PKHD1: variants seen among roughly 807,000 people sequenced by gnomAD.
PKHD1 encodes the protein PKHD1 ciliary IPT domain containing fibrocystin/polyductin, also known as fibrocystin.
PKHD1 carries 291 observed loss-of-function variants against 412.0 expected under a neutral mutation model. That is an observed-to-expected ratio of 0.71 (90% CI 0.64 to 0.78). The LOEUF (loss-of-function observed/expected upper bound fraction) is 0.78. Ranked by LOEUF, PKHD1 falls within the 30% of genes least tolerant of loss-of-function variation. The pLI, the probability that PKHD1 is intolerant of heterozygous loss-of-function variation, is 0.00. For synonymous variants in PKHD1, 1,777 were observed against 1,821.5 expected (o/e 0.98, Z 0.62); for missense variants, 4,825 against 4,950.7 (o/e 0.97, Z 0.76).
In PKHD1 at chr6:52,048,534, C is replaced by T; in HGVS notation, c.2365G>A (p.Gly789Arg). The T allele has an allele frequency of 6.2e-7, 1 of 1,614,118 alleles. No homozygotes were observed. The highest frequency in any genetic ancestry group is 8.5e-7 in the Non-Finnish European group (1 of 1,179,964). ...GGAAGCTGGATGCGAAAGTGTCCTCCTAGAGGTGGACTTGTCCGCTGTCGT... is the reference window on the plus strand; with the variant it reads ...GGAAGCTGGATGCGAAAGTGTCCTCTTAGAGGTGGACTTGTCCGCTGTCGT... ...QRRQRTSPPL[G>R]GHFRIQLPNT... The change falls in exon 23 of 67, where the codon GGA becomes AGA. Residue 789 changes from glycine (G) to arginine (R), a missense_variant. Coordinates refer to ENST00000371117, the MANE Select transcript of PKHD1 (RefSeq NM_138694.4).
At chr6:52,066,306 G>T (rs1048657745) in intron 11 of PKHD1, among the ~76,000 whole-genome samples, 1 of 152,060 alleles carries the variant, frequency 6.6e-6, no homozygotes, top group Non-Finnish European at 1.5e-5. Flanking sequence ...GGGAAATGTG[G>T]AATCATTCAT....
At chr6:51,767,014 C>T (rs1789166686) in intron 55 of PKHD1, among the ~76,000 whole-genome samples, 1 of 151,504 alleles carries the variant, frequency 6.6e-6, no homozygotes, top group Non-Finnish European at 1.5e-5. Context: ...TTTTCTAATC[C>T]ACCTATAATT....
In PKHD1 at chr6:51,744,157, G is replaced by A. The variant is rs556375197; in HGVS notation, c.10156+228C>T. ...TTGGGCATTGAGAATCTGCACTTTT[G>A]ACATGGACACAGGCAATCTCATAGA... On this transcript the variant is annotated intron_variant, in intron 60 of 66. Coordinates refer to ENST00000371117, the MANE Select transcript of PKHD1 (RefSeq NM_138694.4). 2.6e-5 allele frequency among the ~76,000 whole-genome samples: 4 copies of A among 152,318 alleles called. No individual in the cohort carries two copies. The East Asian group carries it at 7.7e-4, about 29-fold the overall frequency.
chr6:51,844,790 G>C (rs1582997762), intron 50 of PKHD1, among the ~76,000 whole-genome samples: 1 of 152,266 alleles, frequency 6.6e-6, no homozygotes, highest in Non-Finnish European at 1.5e-5. Flanking sequence ...GCAGCACTCT[G>C]AAGGAAATGC....
At position 52,042,871 on chromosome 6, in the gene PKHD1, C is replaced by T. The variant is rs1407883090; in HGVS notation, c.3085G>A (p.Ala1029Thr). ...CTCCCCAGATTACCAATATCCGCAG[C>T]TCTGGAAGGCTCCACCATATCCAGT... ...PRLDMVEPSR[A>T]ADIGGLWATI... Residue 1029 changes from alanine (A) to threonine (T), a missense_variant, in exon 27 of 67, where the codon GCT becomes ACT. Transcript: ENST00000371117. 6.2e-7 allele frequency: 1 copy of T among 1,613,784 alleles called. No individual in the cohort carries two copies. The highest frequency in any genetic ancestry group is 8.5e-7 in the Non-Finnish European group (1 of 1,179,774).
At chr6:51,671,165 C>T (rs1294424190) in intron 60 of PKHD1, among the ~76,000 whole-genome samples, 1 of 152,032 alleles carries the variant, frequency 6.6e-6, no homozygotes, top group Non-Finnish European at 1.5e-5. Context: ...TTCCATTCTC[C>T]CCGTCATTTT....
chr6:51,982,175 G>A (rs1307302135), intron 35 of PKHD1, among the ~76,000 whole-genome samples: 187 of 38,362 alleles, frequency 4.9e-3, no homozygotes, highest in African/African-American at 0.011. Flanking sequence ...CACCCCGTCC[G>A]GGAGGGAGGT....
At chr6:51,874,528 C>A (rs1015599624) in intron 46 of PKHD1, among the ~76,000 whole-genome samples, 1 of 152,184 alleles carries the variant, frequency 6.6e-6, no homozygotes, top group Non-Finnish European at 1.5e-5. Context: ...ATAAAAAGTT[C>A]TTCCAGAAAG....
In PKHD1 at chr6:52,051,764, T is replaced by C. The variant is rs529462609; in HGVS notation, c.2140+1312A>G. Among the ~76,000 whole-genome samples the C allele has an allele frequency of 4.0e-4, 52 of 129,752 alleles. 1 individual carries two copies. Among genetic ancestry groups the C allele is most frequent in the African/African-American group, 1.2e-3 (48 of 39,362 alleles). 85.1% of individuals were successfully genotyped at this position (129,752 alleles called of 152,430 possible). ...TTTCCAACTAGTGGACTCCAGTGTATGAAATATTGATTCCCTCAGCCTTCT... is the reference window on the plus strand; with the variant it reads ...TTTCCAACTAGTGGACTCCAGTGTACGAAATATTGATTCCCTCAGCCTTCT... On this transcript the variant is annotated intron_variant, in intron 21 of 66. Coordinates refer to ENST00000371117, the MANE Select transcript of PKHD1 (RefSeq NM_138694.4).
chr6:52,081,299 T>TAACC (rs1347049157), intron 4 of PKHD1, among the ~76,000 whole-genome samples: 4 of 152,174 alleles, frequency 2.6e-5, no homozygotes, highest in African/African-American at 9.7e-5. Context: ...GGGAAATATA[T>TAACC]AACCCAGTTT....
chr6:51,883,940 A>T (rs1341124036), intron 45 of PKHD1, among the ~76,000 whole-genome samples: 1 of 152,138 alleles, frequency 6.6e-6, no homozygotes, highest in East Asian at 1.9e-4. Context: ...CTATAGACTG[A>T]TGCAGCAAGA....
At chr6:51,919,139 C>T (rs1320392779) in intron 37 of PKHD1, among the ~76,000 whole-genome samples, 3 of 152,176 alleles carry the variant, frequency 2.0e-5, no homozygotes, top group Non-Finnish European at 2.9e-5. Flanking sequence ...TTAATTAGAT[C>T]CCATTTGTCA....
At chr6:51,838,983 C>T (rs1769710505) in intron 50 of PKHD1, among the ~76,000 whole-genome samples, 1 of 152,150 alleles carries the variant, frequency 6.6e-6, no homozygotes, top group South Asian at 2.1e-4. Context: ...GTCATTATGG[C>T]ATGTTCATGA....
At chr6:51,707,818 C>G (rs749444083) in intron 60 of PKHD1, among the ~76,000 whole-genome samples, 2 of 152,128 alleles carry the variant, frequency 1.3e-5, no homozygotes, top group African/African-American at 2.4e-5. Context: ...ATCATCCCAC[C>G]CACCTTGGAA....
At chr6:52,020,488 A>G (rs1380441604) in intron 33 of PKHD1, among the ~76,000 whole-genome samples, 1 of 152,250 alleles carries the variant, frequency 6.6e-6, no homozygotes, top group Non-Finnish European at 1.5e-5. Flanking sequence ...GTGAGATACT[A>G]AAATGTTTAC....
chr6:51,996,579 A>C (rs1456993273), intron 35 of PKHD1, among the ~76,000 whole-genome samples: 1 of 152,222 alleles, frequency 6.6e-6, no homozygotes, highest in Non-Finnish European at 1.5e-5. Flanking sequence ...TGTGTGTTTT[A>C]TGTAGTCATT....
intron 46 of PKHD1, among the ~76,000 whole-genome samples, chr6:51,881,075 C>CTTTTTTTTTTTTT (rs371470393): frequency 1.7e-4 from 23 of 134,046 alleles, no homozygotes; most frequent in African/African-American, 3.0e-4. Context: ...CTTTTTCTTT[C>CTTTTTTTTTTTTT]TTTTTTTTTT....
chr6:51,992,235 T>C (rs1253540760), intron 35 of PKHD1, among the ~76,000 whole-genome samples: 4 of 152,230 alleles, frequency 2.6e-5, no homozygotes, highest in Non-Finnish European at 4.4e-5. Flanking sequence ...TTCCCATTAT[T>C]ATTAGTAGTA....
intron 51 of PKHD1, among the ~76,000 whole-genome samples, chr6:51,835,856 G>A (rs1769112670): frequency 6.6e-6 from 1 of 152,198 alleles, no homozygotes; most frequent in Non-Finnish European, 1.5e-5. Context: ...CGTTTGAAAA[G>A]ATTTATTCCT....
Sources: allele counts gnomAD v4.1 joint callset (sites outside exome capture counted in the v4.1 genomes callset), GRCh38; gene constraint gnomAD v4.1.1; transcripts MANE v1.5; gene names NCBI Gene and HGNC (gene_info 2026-07-23, HGNC 2026-07-21).